CCSER1: variants seen among roughly 807,000 people sequenced by gnomAD.
CCSER1 encodes serine-rich coiled-coil domain-containing protein 1.
In CCSER1, 41 loss-of-function variants were observed where a neutral mutation model predicts 82.0. That is an observed-to-expected ratio of 0.50 (90% CI 0.39 to 0.65). CCSER1 has a LOEUF of 0.65. CCSER1 is among the 30% of genes least tolerant of loss of function. The pLI is 0.00. For synonymous variants in CCSER1, 414 were observed against 383.9 expected, an observed-to-expected ratio of 1.08 and a Z score of -0.92; for missense variants, 1,119 against 1,064.2, an observed-to-expected ratio of 1.05 and a Z score of -0.72.
chr4:90,739,750 T>C (rs1163498857), intron 7 of CCSER1, among the ~76,000 whole-genome samples: 1 of 152,166 alleles, frequency 6.6e-6, no homozygotes, highest in Non-Finnish European at 1.5e-5. Context: ...AGCACTGTGT[T>C]CCAATGCTAA....
chr4:91,114,430 C>G (rs754396479), intron 10 of CCSER1, among the ~76,000 whole-genome samples: 8 of 152,148 alleles, frequency 5.3e-5, no homozygotes, highest in Admixed American at 2.0e-4. Flanking sequence ...CCACTATGTT[C>G]CTGCCTGCTC....
intron 9 of CCSER1, among the ~76,000 whole-genome samples, chr4:91,082,888 G>A (rs950242677): frequency 7.9e-5 from 12 of 152,048 alleles, no homozygotes; most frequent in East Asian, 1.9e-4. Flanking sequence ...TTAGAATGAC[G>A]ATCATTAAAA....
intron 10 of CCSER1, among the ~76,000 whole-genome samples, chr4:91,210,773 CATT>C (rs1736752126): frequency 6.6e-6 from 1 of 151,746 alleles, no homozygotes; most frequent in South Asian, 2.1e-4. Flanking sequence ...CTGTAAAGAA[CATT>C]ATTTAGACAG....
At chr4:90,851,395 A>G (rs17195440) in intron 8 of CCSER1, among the ~76,000 whole-genome samples, 41,468 of 137,200 alleles carry the variant, frequency 0.3, 6,017 homozygotes, top group Middle Eastern at 0.4. Context: ...AGGGATGATA[A>G]CCTTTCCTAC....
chr4:90,167,475 T>C (rs972516552), intron 1 of CCSER1, among the ~76,000 whole-genome samples: 3 of 152,240 alleles, frequency 2.0e-5, no homozygotes, highest in Admixed American at 2.0e-4. Context: ...ATTTGTTTTA[T>C]TATTATTTTT....
intron 10 of CCSER1, among the ~76,000 whole-genome samples, chr4:91,182,822 A>G (rs1368087107): frequency 6.6e-6 from 1 of 152,220 alleles, no homozygotes; most frequent in Admixed American, 6.5e-5. Context: ...AACATGTGTG[A>G]CATCCATTTG....
chr4:90,413,180 C>T (rs1467614065), intron 4 of CCSER1, among the ~76,000 whole-genome samples: 1 of 152,090 alleles, frequency 6.6e-6, no homozygotes, highest in Non-Finnish European at 1.5e-5. Context: ...AAATGAAGAA[C>T]ACAACCCCTT....
intron 10 of CCSER1, among the ~76,000 whole-genome samples, chr4:91,354,557 TG>T (rs1484724917): frequency 6.6e-6 from 1 of 152,238 alleles, no homozygotes; most frequent in Non-Finnish European, 1.5e-5. Context: ...TAACTGTTTT[TG>T]TGGTACCATT....
chr4:90,478,457 C>T (rs1456413491), intron 5 of CCSER1, among the ~76,000 whole-genome samples: 2 of 152,034 alleles, frequency 1.3e-5, no homozygotes, highest in African/African-American at 2.4e-5. Context: ...AGCATAATTA[C>T]GTGTTGAATA....
intron 9 of CCSER1, among the ~76,000 whole-genome samples, chr4:91,011,244 G>A (rs1738981024): frequency 7.4e-6 from 1 of 134,388 alleles, no homozygotes; most frequent in African/African-American, 2.5e-5. Context: ...TGTGGTGGCA[G>A]TGGTAGCATA....
At chr4:90,683,742 A>G (rs1281393967) in intron 6 of CCSER1, among the ~76,000 whole-genome samples, 1 of 152,090 alleles carries the variant, frequency 6.6e-6, no homozygotes, top group Non-Finnish European at 1.5e-5. Flanking sequence ...TTAAATCAAG[A>G]AAAGGTAGTT....
chr4:90,686,882 A>G (rs546858411), intron 6 of CCSER1, among the ~76,000 whole-genome samples: 1 of 152,276 alleles, frequency 6.6e-6, no homozygotes, highest in South Asian at 2.1e-4. Context: ...CCGGTGACAT[A>G]TTCGGCATCA....
At chr4:90,578,554 T>C (rs374767067) in intron 5 of CCSER1, among the ~76,000 whole-genome samples, 8 of 152,268 alleles carry the variant, frequency 5.3e-5, no homozygotes, top group African/African-American at 1.9e-4. Flanking sequence ...AGGCAAAAAA[T>C]AGGTTCAAAG....
chr4:91,366,074 A>T (rs1262393412), intron 10 of CCSER1, among the ~76,000 whole-genome samples: 2 of 152,172 alleles, frequency 1.3e-5, no homozygotes, highest in Non-Finnish European at 2.9e-5. Context: ...GCTGGAATGC[A>T]ATGGCACGAT....
intron 10 of CCSER1, among the ~76,000 whole-genome samples, chr4:91,582,217 G>A (rs1366527539): frequency 6.6e-6 from 1 of 151,476 alleles, no homozygotes; most frequent in Non-Finnish European, 1.5e-5. Flanking sequence ...GCAAGAAGAA[G>A]TTTGTGCAGA....
At chr4:91,442,841 A>G (rs1212470731) in intron 10 of CCSER1, among the ~76,000 whole-genome samples, 2 of 152,142 alleles carry the variant, frequency 1.3e-5, no homozygotes, top group Non-Finnish European at 2.9e-5. Context: ...TAAAAAGAAG[A>G]CATTTATGCA....
chr4:90,302,927 T>TGGAG (rs1275343787), intron 1 of CCSER1, among the ~76,000 whole-genome samples: 1 of 152,142 alleles, frequency 6.6e-6, no homozygotes, highest in Non-Finnish European at 1.5e-5. Flanking sequence ...CTAATGAATC[T>TGGAG]GGAGATGTAG....
At chr4:91,204,482 T>C (rs1329739726) in intron 10 of CCSER1, among the ~76,000 whole-genome samples, 2 of 151,928 alleles carry the variant, frequency 1.3e-5, no homozygotes, top group African/African-American at 4.8e-5. Context: ...ATGTATGTAT[T>C]TGTTACTGTC....
intron 10 of CCSER1, among the ~76,000 whole-genome samples, chr4:91,456,766 A>C (rs568345498): frequency 1.3e-5 from 2 of 152,106 alleles, no homozygotes; most frequent in Non-Finnish European, 2.9e-5. Flanking sequence ...TCAGGAATAT[A>C]CTTAAGTTGG....
Sources: allele counts gnomAD v4.1 joint callset (sites outside exome capture counted in the v4.1 genomes callset), GRCh38; gene constraint gnomAD v4.1.1; transcripts MANE v1.5; gene names NCBI Gene and HGNC (gene_info 2026-07-23, HGNC 2026-07-21).